CORO2B: variants seen among roughly 807,000 people sequenced by gnomAD.
CORO2B encodes coronin-2B.
A neutral mutation model predicts 58.8 loss-of-function variants in CORO2B; 26 were observed. The observed-to-expected ratio is 0.44, with a 90% CI of 0.32 to 0.61. The LOEUF (loss-of-function observed/expected upper bound fraction) is 0.61. Ranked by LOEUF, CORO2B falls within the 20% of genes least tolerant of loss-of-function variation. The pLI, the probability that CORO2B is intolerant of heterozygous loss-of-function variation, is 0.04. For synonymous variants in CORO2B, 242 were observed against 253.8 expected, an observed-to-expected ratio of 0.95 and a Z score of 0.44; for missense variants, 460 against 645.1, an observed-to-expected ratio of 0.71 and a Z score of 3.11.
intron 11 of CORO2B, among the ~76,000 whole-genome samples, chr15:68,720,984 C>G (rs1013579327): frequency 6.6e-6 from 1 of 152,126 alleles, no homozygotes; most frequent in South Asian, 2.1e-4. Flanking sequence ...CAGGTTCAAG[C>G]GATTGTCCTG....
chr15:68,632,251 T>C, intron 1 of CORO2B: 1 of 985,506 alleles, frequency 1.0e-6, no homozygotes, highest in Non-Finnish European at 1.2e-6. Context: ...TTCATGGTCT[T>C]AGCTGGCAGC....
intron 2 of CORO2B, among the ~76,000 whole-genome samples, chr15:68,684,519 C>A (rs1219027748): frequency 1.3e-5 from 2 of 152,214 alleles, no homozygotes; most frequent in Non-Finnish European, 2.9e-5. Context: ...CTTGCACATG[C>A]AAGCATATAC....
At chr15:68,588,833 G>A (rs1168815973) in intron 1 of CORO2B, among the ~76,000 whole-genome samples, 4 of 127,756 alleles carry the variant, frequency 3.1e-5, no homozygotes, top group Non-Finnish European at 4.9e-5. Flanking sequence ...TTTAATTCCT[G>A]AGGATTTTTA....
At chr15:68,673,344 T>C (rs1290695955) in intron 2 of CORO2B, among the ~76,000 whole-genome samples, 1 of 117,352 alleles carries the variant, frequency 8.5e-6, no homozygotes, top group Non-Finnish European at 1.7e-5. Context: ...CAAACCAGCC[T>C]GGGCAACCCT....
intron 3 of CORO2B, among the ~76,000 whole-genome samples, chr15:68,695,525 T>A (rs1892489810): frequency 6.6e-6 from 1 of 152,148 alleles, no homozygotes. Flanking sequence ...ATTTAAAAAT[T>A]AAGCGTGTGA....
the CORO2B span, among the ~76,000 whole-genome samples, chr15:68,572,758 G>A: frequency 0.015 from 2,285 of 152,242 alleles, 52 homozygotes; most frequent in African/African-American, 0.052. Context: ...GATCCTAAAC[G>A]ACTGGAAGGA....
chr15:68,666,422 C>T (rs775185271), intron 2 of CORO2B, among the ~76,000 whole-genome samples: 40 of 152,176 alleles, frequency 2.6e-4, no homozygotes, highest in Non-Finnish European at 4.9e-4. Flanking sequence ...GAAGGCCTCC[C>T]CCAGTCCCCA....
At chr15:68,659,584 C>A (rs1237777443) in intron 2 of CORO2B, among the ~76,000 whole-genome samples, 1 of 151,758 alleles carries the variant, frequency 6.6e-6, no homozygotes, top group African/African-American at 2.4e-5. Flanking sequence ...AAAAAGAAAA[C>A]CATAAGGAAG....
At chr15:68,711,443 TG>T in intron 4 of CORO2B, 98 bp from the exon 5 acceptor site, 5 of 1,046,374 alleles carry the variant, frequency 4.8e-6, no homozygotes, top group Non-Finnish European at 6.9e-6. Context: ...AGGCCCTGCA[TG>T]GGGCGCTTCT....
At chr15:68,538,740 C>T in the CORO2B span, among the ~76,000 whole-genome samples, 1 of 142,958 alleles carries the variant, frequency 7.0e-6, no homozygotes, top group Non-Finnish European at 1.5e-5. Flanking sequence ...GCTTTACTGT[C>T]ATCTCCCAAC....
At chr15:68,573,983 C>T in the CORO2B span, among the ~76,000 whole-genome samples, 5 of 151,976 alleles carry the variant, frequency 3.3e-5, no homozygotes, top group African/African-American at 1.2e-4. Context: ...AGAGAAGGGC[C>T]AGGTTATGGT....
At chr15:68,528,992 G>A in the CORO2B span, among the ~76,000 whole-genome samples, 198 of 152,278 alleles carry the variant, frequency 1.3e-3, no homozygotes, top group Non-Finnish European at 2.5e-3. Flanking sequence ...AAACCTAAAA[G>A]GTGGAAACGG....
chr15:68,673,990 G>C (rs1902490058), intron 2 of CORO2B, among the ~76,000 whole-genome samples: 1 of 152,200 alleles, frequency 6.6e-6, no homozygotes, highest in Non-Finnish European at 1.5e-5. Context: ...AGGAGCTTAT[G>C]GCAAAAGTTA....
chr15:68,619,988 T>G (rs1900472157), intron 1 of CORO2B, among the ~76,000 whole-genome samples: 1 of 152,104 alleles, frequency 6.6e-6, no homozygotes, highest in Admixed American at 6.5e-5. Flanking sequence ...CTTGACTCAC[T>G]GCAGCCTTTG....
intron 2 of CORO2B, among the ~76,000 whole-genome samples, chr15:68,678,988 C>T (rs1902680091): frequency 6.6e-6 from 1 of 152,248 alleles, no homozygotes; most frequent in South Asian, 2.1e-4. Context: ...ACAGTAGGAC[C>T]CAGTCCCTGA....
the CORO2B span, among the ~76,000 whole-genome samples, chr15:68,550,050 T>C: frequency 6.6e-6 from 1 of 152,164 alleles, no homozygotes; most frequent in East Asian, 1.9e-4. Flanking sequence ...TGCTTCCTGC[T>C]TCCTGCGGGC....
intron 2 of CORO2B, among the ~76,000 whole-genome samples, chr15:68,685,392 A>G (rs1428949065): frequency 1.3e-5 from 2 of 151,980 alleles, no homozygotes; most frequent in East Asian, 3.9e-4. Context: ...TGTATTTTTT[A>G]GTAAAGATGG....
At chr15:68,587,559 A>G (rs1899599045) in intron 1 of CORO2B, among the ~76,000 whole-genome samples, 2 of 152,332 alleles carry the variant, frequency 1.3e-5, no homozygotes, top group South Asian at 2.1e-4. Context: ...TACCAATTTA[A>G]TAGTAGTCAG....
chr15:68,697,974 G>A (rs1175564104), intron 3 of CORO2B, among the ~76,000 whole-genome samples: 2 of 152,192 alleles, frequency 1.3e-5, no homozygotes, highest in African/African-American at 2.4e-5. Flanking sequence ...TGGGAGAGTG[G>A]CGGGAAGGGC....
Sources: gnomAD v4.1 joint callset for allele counts (sites outside exome capture counted in the v4.1 genomes callset) on GRCh38, gnomAD v4.1.1 for gene constraint, MANE v1.5 for transcripts, NCBI Gene and HGNC (gene_info 2026-07-23, HGNC 2026-07-21) for gene names.